The following ZBTB8OS variants were observed in gnomAD, a reference collection of about 807,000 sequenced individuals.
ZBTB8OS encodes tRNA-splicing ligase-activating factor archease.
Under a neutral mutation model 29.3 loss-of-function variants are expected in ZBTB8OS, and 16 were observed. That is an observed-to-expected ratio of 0.55 (90% confidence interval 0.37 to 0.83). The LOEUF (loss-of-function observed/expected upper bound fraction) is 0.83, where lower values mean the gene tolerates loss of function less well. Among genes scored for constraint, ZBTB8OS ranks in the 40% least tolerant of loss-of-function variants. The probability of loss-of-function intolerance (pLI) is 0.00; values close to 1 mark genes in which losing one functional copy is unlikely to be tolerated. For missense variants in ZBTB8OS, 160 were observed against 196.9 expected (o/e 0.81, Z 1.12); for synonymous variants, 70 against 64.6 (o/e 1.08, Z -0.40).
intron 1 of ZBTB8OS, among the ~76,000 whole-genome samples, chr1:32,648,695 G>A (rs1647037230): frequency 6.6e-6 from 1 of 152,274 alleles, no homozygotes; most frequent in East Asian, 1.9e-4. Flanking sequence ...GTCTGGCTCT[G>A]TCGCCCAGGC....
chr1:32,631,556 T>C (rs1224998348), intron 5 of ZBTB8OS, among the ~76,000 whole-genome samples: 1 of 152,164 alleles, frequency 6.6e-6, no homozygotes, highest in Non-Finnish European at 1.5e-5. Context: ...AAAGTGTCAG[T>C]GTTTCCCATC....
intron 1 of ZBTB8OS, among the ~76,000 whole-genome samples, chr1:32,635,920 C>T (rs1645917897): frequency 6.6e-6 from 1 of 152,138 alleles, no homozygotes; most frequent in Non-Finnish European, 1.5e-5. Flanking sequence ...AAATTAGCTA[C>T]AAGATTAGAA....
At chr1:32,634,863 C>G (rs1448159263) in intron 1 of ZBTB8OS, 71 bp from the exon 2 acceptor site, 14 of 1,025,112 alleles carry the variant, frequency 1.4e-5, no homozygotes, top group Non-Finnish European at 1.9e-5. Flanking sequence ...CAAAATAACT[C>G]TAGTCCATTA....
At chr1:32,647,579 C>T (rs554395597) in intron 1 of ZBTB8OS, among the ~76,000 whole-genome samples, 1 of 152,296 alleles carries the variant, frequency 6.6e-6, no homozygotes, top group Non-Finnish European at 1.5e-5. Context: ...TTTACAACAG[C>T]TCCCCATTGC....
At chr1:32,640,425 T>C (rs1239609010) in intron 1 of ZBTB8OS, among the ~76,000 whole-genome samples, 1 of 152,046 alleles carries the variant, frequency 6.6e-6, no homozygotes, top group Non-Finnish European at 1.5e-5. Context: ...TTTTCAACGT[T>C]AGTTGCAATG....
intron 4 of ZBTB8OS, among the ~76,000 whole-genome samples, chr1:32,632,906 T>G (rs1341543051): frequency 1.3e-5 from 2 of 152,146 alleles, no homozygotes; most frequent in Admixed American, 1.3e-4. Flanking sequence ...AATAAACTAC[T>G]GGTAGGCACT....
chr1:32,643,132 A>G (rs1391865511), intron 1 of ZBTB8OS, among the ~76,000 whole-genome samples: 2 of 131,094 alleles, frequency 1.5e-5, no homozygotes, highest in Non-Finnish European at 3.2e-5. Flanking sequence ...GTACAATGGC[A>G]CGATCTCCGC....
At chr1:32,628,706 A>T (rs1475377322) in intron 5 of ZBTB8OS, among the ~76,000 whole-genome samples, 17 of 151,126 alleles carry the variant, frequency 1.1e-4, no homozygotes, top group Admixed American at 1.1e-3. Flanking sequence ...GCACTTTGGG[A>T]GGCAGAGGTA....
Position 32,627,488 on chromosome 1 carries a change from G to A in ZBTB8OS, c.417+20C>T, listed in dbSNP as rs1645208176. On this transcript the variant is annotated intron_variant, in intron 6 of 6. Transcript: ENST00000468695. ...TAAGGAAATTTTTCATGTTCTTAAT[G>A]GCTGGATTTTAAAACATACCTGAGG... is the stretch of plus-strand genomic sequence containing the variant. 1 of 1,611,788 alleles carries A rather than the reference G, an allele frequency of 6.2e-7. No homozygotes were observed. Among genetic ancestry groups the A allele is most frequent in the Non-Finnish European group, 8.5e-7 (1 of 1,178,810 alleles).
Position 32,637,107 on chromosome 1 carries a change from G to C in ZBTB8OS, c.98-2315C>G, listed in dbSNP as rs557187435. Among the ~76,000 whole-genome samples the C allele has an allele frequency of 2.9e-3, 442 of 152,050 alleles. 9 individuals carry two copies. Among genetic ancestry groups the C allele is most frequent in the African/African-American group, 0.01 (431 of 41,384 alleles). The stretch of plus-strand genomic sequence containing the variant: ...TTTTTCACTTCTCTGACTCTACTAA[G>C]TCCCCCTCACTCCTCTCCCTTTAAA... On this transcript the variant is annotated intron_variant, in intron 1 of 6. Coordinates refer to ENST00000468695, the MANE Select transcript of ZBTB8OS (RefSeq NM_178547.5).
intron 5 of ZBTB8OS, among the ~76,000 whole-genome samples, chr1:32,631,369 A>G (rs1645545307): frequency 6.6e-6 from 1 of 151,444 alleles, no homozygotes; most frequent in Non-Finnish European, 1.5e-5. Context: ...AAAAAAAAAA[A>G]GAAAAAAAAG....
chr1:32,623,789 C>T (rs1570434075), intron 6 of ZBTB8OS, among the ~76,000 whole-genome samples: 1 of 152,324 alleles, frequency 6.6e-6, no homozygotes, highest in Admixed American at 6.5e-5. Context: ...TATTTCTGCT[C>T]ACTCCTCATC....
intron 1 of ZBTB8OS, among the ~76,000 whole-genome samples, chr1:32,636,807 A>G (rs948009180): frequency 2.0e-5 from 3 of 151,930 alleles, no homozygotes; most frequent in African/African-American, 7.3e-5. Flanking sequence ...CCAGGAGAAT[A>G]TGTTTGTTCT....
At position 32,633,939 on chromosome 1, in the gene ZBTB8OS, T is replaced by C. The variant is rs749216551; in HGVS notation, c.244+12A>G. On this transcript the variant is annotated intron_variant, in intron 3 of 6. Transcript: ENST00000468695. ...TGTATAACAATTTCTTCCTTGTGAA[T>C]AAATCATTTACCTTGGGTTTCTACT... is the stretch of plus-strand genomic sequence containing the variant. 2 of 1,560,088 alleles carry C rather than the reference T, an allele frequency of 1.3e-6. No individual in the cohort carries two copies. The highest frequency in any genetic ancestry group is 1.7e-6 in the Non-Finnish European group (2 of 1,161,700).
intron 1 of ZBTB8OS, among the ~76,000 whole-genome samples, chr1:32,636,479 A>G (rs1163650756): frequency 6.6e-6 from 1 of 152,146 alleles, no homozygotes; most frequent in Non-Finnish European, 1.5e-5. Context: ...TCACAAGGTC[A>G]GGAGATAGAG....
At position 32,650,547 on chromosome 1, in the gene ZBTB8OS, C is replaced by T; in HGVS notation, c.-18G>A. Reference sequence around the variant, plus strand: ...TGCGCCATGACTGCAGGATTAGACACTCTACTTCCGCCCTTCATCCACCGG... The same window carrying T: ...TGCGCCATGACTGCAGGATTAGACATTCTACTTCCGCCCTTCATCCACCGG... On this transcript the variant is annotated 5_prime_UTR_variant, in exon 1 of 7. The change creates a new upstream start codon in the 5' untranslated region. Coordinates refer to ENST00000468695, the MANE Select transcript of ZBTB8OS (RefSeq NM_178547.5). 1 of 1,614,110 alleles carries T rather than the reference C, an allele frequency of 6.2e-7. No individual in the cohort carries two copies. The highest frequency in any genetic ancestry group is 8.5e-7 in the Non-Finnish European group (1 of 1,180,004).
In ZBTB8OS at chr1:32,633,982, C is replaced by T. The variant is rs985041200; in HGVS notation, c.213G>A (p.Glu71=). 2 of 1,589,728 alleles carry T rather than the reference C, an allele frequency of 1.3e-6. No homozygotes were observed. Among genetic ancestry groups the T allele is most frequent in the East Asian group, 4.5e-5 (2 of 44,700 alleles). The change falls in exon 3 of 7, where the codon GAG becomes GAA. Residue 71 remains glutamate (E), a synonymous_variant. Coordinates refer to ENST00000468695, the MANE Select transcript of ZBTB8OS (RefSeq NM_178547.5). ...TTTCTACTTCTACTGTTTGGAGGGG[C>T]TCCACTGTCCCAGTATCTGTCATGT... is the stretch of plus-strand genomic sequence containing the variant. ...FGYMTDTGTV[E]PLQTVEVETQ...
chr1:32,625,180 G>A (rs1349305275), intron 6 of ZBTB8OS, among the ~76,000 whole-genome samples: 4 of 149,204 alleles, frequency 2.7e-5, no homozygotes, highest in African/African-American at 7.4e-5. Context: ...TAGAGGTCAC[G>A]TCACTGCACT....
intron 1 of ZBTB8OS, among the ~76,000 whole-genome samples, chr1:32,639,319 A>G (rs533376253): frequency 6.6e-6 from 1 of 151,874 alleles, no homozygotes; most frequent in East Asian, 1.9e-4. Flanking sequence ...TAAAAAAAAA[A>G]AAGATGGAGT....
Sources: gnomAD v4.1 joint callset for allele counts (sites outside exome capture counted in the v4.1 genomes callset) on GRCh38, gnomAD v4.1.1 for gene constraint, MANE v1.5 for transcripts, NCBI Gene and HGNC (gene_info 2026-07-23, HGNC 2026-07-21) for gene names.